Variants in PARP8 observed in about 807,000 individuals in gnomAD.
PARP8 encodes protein mono-ADP-ribosyltransferase PARP8.
In PARP8, 51 loss-of-function variants were observed where a neutral mutation model predicts 124.1. The observed-to-expected ratio is 0.41, with a 90% CI of 0.33 to 0.52. The LOEUF is 0.52. Among genes scored for constraint, PARP8 ranks in the 20% least tolerant of loss-of-function variants. The probability of loss-of-function intolerance (pLI) is 0.21; values close to 1 mark genes in which losing one functional copy is unlikely to be tolerated. For synonymous variants in PARP8, 391 were observed against 361.5 expected (o/e 1.08, Z -0.93); for missense variants, 860 against 1,018.9 (o/e 0.84, Z 2.12).
At chr5:50,703,281 C>T (rs1387531549) in intron 2 of PARP8, among the ~76,000 whole-genome samples, 2 of 141,252 alleles carry the variant, frequency 1.4e-5, no homozygotes, top group East Asian at 2.0e-4. Flanking sequence ...GCCTGGGTGA[C>T]GGAGTGAGAC....
chr5:50,775,615 C>A (rs184483501), intron 7 of PARP8, among the ~76,000 whole-genome samples: 1 of 152,120 alleles, frequency 6.6e-6, no homozygotes. Flanking sequence ...TCTTTCACCT[C>A]CTTGGTTTAA....
chr5:50,840,188 C>G (rs1241345041), intron 25 of PARP8, among the ~76,000 whole-genome samples: 1 of 151,874 alleles, frequency 6.6e-6, no homozygotes, highest in East Asian at 1.9e-4. Context: ...TCAATGTTCT[C>G]TATTCTATTC....
At chr5:50,817,930 T>C (rs1370589292) in intron 15 of PARP8, among the ~76,000 whole-genome samples, 2 of 152,166 alleles carry the variant, frequency 1.3e-5, no homozygotes, top group Non-Finnish European at 2.9e-5. Context: ...ATTCTGTAAA[T>C]TCACAGACCT....
chr5:50,705,964 T>C (rs1754103915), intron 2 of PARP8, among the ~76,000 whole-genome samples: 1 of 152,166 alleles, frequency 6.6e-6, no homozygotes, highest in South Asian at 2.1e-4. Flanking sequence ...TCAGTGAGAA[T>C]CTTTGTATCT....
chr5:50,794,909 A>G lies in PARP8; in HGVS notation c.920A>G (p.Glu307Gly), dbSNP rs1217710108. 1 of 1,614,176 alleles carries G rather than the reference A, an allele frequency of 6.2e-7. No homozygotes were observed. Among genetic ancestry groups the G allele is most frequent in the East Asian group, 2.2e-5 (1 of 44,880 alleles). ...CGKSKSKLKS[E>G]QDGISKTHKL... ...AAAAGCAAATCCAAACTGAAATCTGAGCAGGACGGAATCTCCAAAACGCAT... is the reference window on the plus strand; with the variant it reads ...AAAAGCAAATCCAAACTGAAATCTGGGCAGGACGGAATCTCCAAAACGCAT... Residue 307 changes from glutamate to glycine, a missense_variant, in exon 12 of 26, where the codon GAG becomes GGG. Around this residue, in one of 2 missense-constraint regions of PARP8, gnomAD observed 517 missense variants for 544.2 expected, o/e 0.95. Coordinates refer to ENST00000281631, the MANE Select transcript of PARP8 (RefSeq NM_024615.4).
Position 50,832,849 on chromosome 5 carries a change from T to A in PARP8, c.2302T>A (p.Ser768Thr). The change falls in exon 23 of 26, where the codon TCA becomes ACA. Residue 768 changes from serine to threonine, a missense_variant. Physicochemically the swap from Ser to Thr is moderately conservative, Grantham distance 58. Around this residue, in one of 2 missense-constraint regions of PARP8, gnomAD observed 343 missense variants for 474.7 expected, o/e 0.72. Transcript: ENST00000281631. Reference protein sequence around the residue: ...PASSSKSSNTSQSQKKGQQSQ... With the variant: ...PASSSKSSNTTQSQKKGQQSQ... ...TTCAAGCAGTAAAAGCAGCAATACA[T>A]CACAGGTGTTGTAGTGACTTTAGTG... is the stretch of plus-strand genomic sequence containing the variant. The A allele has an allele frequency of 2.5e-6, 4 of 1,613,004 alleles. No individual in the cohort carries two copies. In the East Asian group the frequency reaches 8.9e-5, roughly 36 times the overall value.
intron 25 of PARP8, among the ~76,000 whole-genome samples, chr5:50,840,127 T>G (rs1334326431): frequency 6.6e-6 from 1 of 151,586 alleles, no homozygotes; most frequent in Non-Finnish European, 1.5e-5. Flanking sequence ...AAAAGAAATG[T>G]GTTTGACATT....
chr5:50,807,106 G>T (rs545832971), intron 14 of PARP8, among the ~76,000 whole-genome samples: 1 of 150,914 alleles, frequency 6.6e-6, no homozygotes, highest in African/African-American at 2.4e-5. Flanking sequence ...AAGCCTGATT[G>T]TTTTTTGATG....
chr5:50,772,188 T>C (rs1000130279), intron 7 of PARP8, among the ~76,000 whole-genome samples: 3 of 152,194 alleles, frequency 2.0e-5, no homozygotes, highest in African/African-American at 4.8e-5. Context: ...ATTTCCTTCA[T>C]TTTTTTATGG....
At position 50,766,124 on chromosome 5, in the gene PARP8, A is replaced by T. The variant is rs776759424; in HGVS notation, c.518+2882A>T. 6.6e-5 allele frequency among the ~76,000 whole-genome samples: 10 copies of T among 152,230 alleles called. 1 individual carries two copies. The highest frequency in any genetic ancestry group is 1.5e-4 in the Non-Finnish European group (10 of 68,026). ...AATCCTCTTAAAGAAGGCTGAAAGA[A>T]GGTGTAGAAAAAGTGAGTGATGATA... is the stretch of plus-strand genomic sequence containing the variant. On this transcript the variant is annotated intron_variant, in intron 7 of 25. Coordinates refer to ENST00000281631, the MANE Select transcript of PARP8 (RefSeq NM_024615.4).
intron 9 of PARP8, among the ~76,000 whole-genome samples, chr5:50,785,928 T>G (rs574755727): frequency 2.0e-4 from 30 of 152,296 alleles, no homozygotes; most frequent in Admixed American, 9.2e-4. Context: ...TGCACACTAG[T>G]CTCTGTTCGC....
intron 2 of PARP8, among the ~76,000 whole-genome samples, chr5:50,734,909 C>T (rs1757327784): frequency 6.6e-6 from 1 of 152,016 alleles, no homozygotes. Context: ...GAAAGGGAAG[C>T]TGAGACAATG....
intron 2 of PARP8, chr5:50,744,593 A>G (rs1280851563): frequency 1.5e-5 from 8 of 519,330 alleles, no homozygotes; most frequent in East Asian, 8.8e-5. Context: ...TTGTGACTTT[A>G]AGAACCATGC....
At position 50,807,443 on chromosome 5, in the gene PARP8, A is replaced by G. The variant is rs1280655531; in HGVS notation, c.1576-7989A>G. 9.9e-5 allele frequency among the ~76,000 whole-genome samples: 15 copies of G among 152,188 alleles called. No individual in the cohort carries two copies. The East Asian group carries it at 2.7e-3, about 27-fold the overall frequency. ...CATTTATACTCTCATCACAAAACCA[A>G]ACCAAAACCAAATGCATAGTTCTCT... On this transcript the variant is annotated intron_variant, in intron 14 of 25. Transcript: ENST00000281631.
At chr5:50,733,733 C>T (rs1757211254) in intron 2 of PARP8, among the ~76,000 whole-genome samples, 1 of 152,144 alleles carries the variant, frequency 6.6e-6, no homozygotes, top group South Asian at 2.1e-4. Flanking sequence ...AATGTTTTTA[C>T]ATCATATTCA....
Position 50,761,884 on chromosome 5 carries a change from T to C in PARP8, c.409T>C (p.Tyr137His), listed in dbSNP as rs761224612. ...AGGTGACAATGATTCCGAAGAATTT[T>C]ATTACGGAGGGCAGGTAAGGAAACC... The part of the protein sequence containing the change: ...SEGDNDSEEF[Y>H]YGGQVNYDGE... Residue 137 changes from tyrosine (Y) to histidine (H), a missense_variant, in exon 6 of 26, where the codon TAT becomes CAT. This residue lies in a region of PARP8 where 517 missense variants were observed against 544.2 expected (regional missense o/e 0.95). Coordinates refer to ENST00000281631, the MANE Select transcript of PARP8 (RefSeq NM_024615.4). 1 of 1,601,432 alleles carries C rather than the reference T, an allele frequency of 6.2e-7. No individual in the cohort carries two copies. The highest frequency in any genetic ancestry group is 1.7e-5 in the Admixed American group (1 of 59,140).
At chr5:50,784,772 G>A (rs1741059770) in intron 9 of PARP8, among the ~76,000 whole-genome samples, 1 of 151,712 alleles carries the variant, frequency 6.6e-6, no homozygotes, top group Non-Finnish European at 1.5e-5. Flanking sequence ...TGTTGTTGTT[G>A]TTTTTTGTTT....
chr5:50,751,504 T>C (rs969563707), intron 3 of PARP8, among the ~76,000 whole-genome samples: 3 of 152,030 alleles, frequency 2.0e-5, no homozygotes, highest in Non-Finnish European at 4.4e-5. Flanking sequence ...AAGACGGAGA[T>C]TAGTGCATTC....
At chr5:50,795,729 G>A (rs1742465900) in intron 12 of PARP8, among the ~76,000 whole-genome samples, 1 of 152,162 alleles carries the variant, frequency 6.6e-6, no homozygotes, top group Non-Finnish European at 1.5e-5. Context: ...TATTAAATAA[G>A]CATATAATTT....
Sources: allele counts gnomAD v4.1 joint callset (sites outside exome capture counted in the v4.1 genomes callset), GRCh38; gene constraint gnomAD v4.1.1; regional missense constraint gnomAD v4.1.1; transcripts MANE v1.5; gene names NCBI Gene and HGNC (gene_info 2026-07-23, HGNC 2026-07-21).